The following OCA2 variants were observed in gnomAD, a reference collection of about 807,000 sequenced individuals.
OCA2 encodes OCA2 melanosomal transmembrane protein, also known as P protein.
OCA2 carries 77 observed loss-of-function variants against 100.2 expected under a neutral mutation model. The observed-to-expected ratio is 0.77, with a 90% CI of 0.64 to 0.93. The LOEUF (loss-of-function observed/expected upper bound fraction) is 0.93, where lower values mean the gene tolerates loss of function less well. OCA2 is among the 40% of genes least tolerant of loss of function. The pLI is 0.00. For synonymous variants in OCA2, 432 were observed against 439.2 expected (o/e 0.98, Z 0.21); for missense variants, 1,062 against 1,089.1 (o/e 0.98, Z 0.35).
intron 9 of OCA2, among the ~76,000 whole-genome samples, chr15:28,012,154 T>TA (rs1243622137): frequency 6.6e-6 from 1 of 152,132 alleles, no homozygotes; most frequent in African/African-American, 2.4e-5. Flanking sequence ...CTGAAGAAGA[T>TA]AGACAGGTGG....
At chr15:27,771,318 C>A (rs1477221492) in intron 23 of OCA2, among the ~76,000 whole-genome samples, 4 of 150,988 alleles carry the variant, frequency 2.6e-5, no homozygotes, top group Non-Finnish European at 5.9e-5. Context: ...GGCCCCAGCT[C>A]GGAGAAAGGG....
At chr15:27,989,151 G>A (rs763998120) in intron 11 of OCA2, among the ~76,000 whole-genome samples, 2 of 152,132 alleles carry the variant, frequency 1.3e-5, no homozygotes, top group Non-Finnish European at 2.9e-5. Context: ...AGATCCTGCA[G>A]GTGGACTTGG....
At chr15:27,988,421 T>C (rs2041433480) in intron 11 of OCA2, among the ~76,000 whole-genome samples, 1 of 151,934 alleles carries the variant, frequency 6.6e-6, no homozygotes, top group African/African-American at 2.4e-5. Flanking sequence ...TAAAATGAGG[T>C]TGTTAGGGTG....
chr15:27,764,710 A>G (rs2031116416), intron 23 of OCA2, among the ~76,000 whole-genome samples: 1 of 152,136 alleles, frequency 6.6e-6, no homozygotes, highest in Non-Finnish European at 1.5e-5. Flanking sequence ...TACTGAAAAC[A>G]CTTGCTGACC....
intron 9 of OCA2, among the ~76,000 whole-genome samples, chr15:27,997,150 G>GAA (rs36129898): frequency 3.0e-5 from 4 of 134,694 alleles, no homozygotes; most frequent in Non-Finnish European, 4.8e-5. Flanking sequence ...AAGAGAGAGA[G>GAA]AAAGAAAGAA....
chr15:28,029,596 A>C (rs2141362115), intron 3 of OCA2, among the ~76,000 whole-genome samples: 1 of 152,312 alleles, frequency 6.6e-6, no homozygotes, highest in Non-Finnish European at 1.5e-5. Context: ...TGAATTTTTA[A>C]TTTTAATTAA....
At chr15:27,769,471 C>T (rs2031543731) in intron 23 of OCA2, among the ~76,000 whole-genome samples, 1 of 152,142 alleles carries the variant, frequency 6.6e-6, no homozygotes, top group Non-Finnish European at 1.5e-5. Flanking sequence ...AAGTCTCCTA[C>T]TTGAGTCTCA....
chr15:27,979,680 TA>T (rs1376004746), intron 14 of OCA2, among the ~76,000 whole-genome samples: 1 of 151,592 alleles, frequency 6.6e-6, no homozygotes, highest in Non-Finnish European at 1.5e-5. Flanking sequence ...ACATATACTA[TA>T]AAAAATCTTA....
At chr15:27,916,984 C>G (rs927688689) in intron 19 of OCA2, among the ~76,000 whole-genome samples, 1 of 151,944 alleles carries the variant, frequency 6.6e-6, no homozygotes, top group Non-Finnish European at 1.5e-5. Context: ...AGATGCAAAA[C>G]GAGAGATGAA....
Position 27,770,574 on chromosome 15 carries a change from G to A in OCA2, c.2433-15102C>T, listed in dbSNP as rs544230497. On this transcript the variant is annotated intron_variant, in intron 23 of 23. Transcript: ENST00000354638. ...GCCGGGGAAGGTCCCCGATGGGCGCGCACGGTGCCCAGCGCAGCTGCCCTT... is the reference window on the plus strand; with the variant it reads ...GCCGGGGAAGGTCCCCGATGGGCGCACACGGTGCCCAGCGCAGCTGCCCTT... Among the ~76,000 whole-genome samples the A allele has an allele frequency of 4.0e-5, 6 of 151,438 alleles. No homozygotes were observed. In the East Asian group the frequency reaches 8.0e-4, roughly 20 times the overall value.
chr15:28,007,861 T>C (rs754572314), intron 9 of OCA2, among the ~76,000 whole-genome samples: 8 of 152,288 alleles, frequency 5.3e-5, no homozygotes, highest in Non-Finnish European at 1.0e-4. Context: ...TTTCATCCCA[T>C]CAAGCTATTA....
At chr15:27,858,247 A>C (rs1433435994) in intron 21 of OCA2, among the ~76,000 whole-genome samples, 1 of 152,040 alleles carries the variant, frequency 6.6e-6, no homozygotes, top group African/African-American at 2.4e-5. Context: ...GGTGGTGGGC[A>C]CCTGTAATCC....
chr15:27,872,877 A>G (rs563636777), intron 19 of OCA2, among the ~76,000 whole-genome samples: 1 of 152,088 alleles, frequency 6.6e-6, no homozygotes, highest in African/African-American at 2.4e-5. Context: ...TTTAGTAGAG[A>G]TGGGGCTTCG....
rs1482978573 is a variant in OCA2 at position 28,075,820 on chromosome 15, T to C, written c.227+5828A>G. Among the ~76,000 whole-genome samples, 3 of 152,314 alleles carry C rather than the reference T, an allele frequency of 2.0e-5. No individual in the cohort carries two copies. The East Asian group carries it at 5.8e-4, about 29-fold the overall frequency. The stretch of plus-strand genomic sequence containing the variant: ...ACTCAATGGTTCCATTTATTTGACA[T>C]GCTTGAAACAGGCCAAAATGTAAAA... On this transcript the variant is annotated intron_variant, in intron 2 of 23. Transcript: ENST00000354638.
chr15:27,940,310 C>A (rs1302480296), intron 18 of OCA2, among the ~76,000 whole-genome samples: 1 of 152,210 alleles, frequency 6.6e-6, no homozygotes, highest in African/African-American at 2.4e-5. Flanking sequence ...ACCTGTCACT[C>A]TTCTCCCTAC....
At chr15:28,011,151 A>C (rs1341675779) in intron 9 of OCA2, among the ~76,000 whole-genome samples, 2 of 152,202 alleles carry the variant, frequency 1.3e-5, no homozygotes, top group African/African-American at 4.8e-5. Flanking sequence ...CCTTCACTTA[A>C]AACTCTCACA....
rs2140979422 is a variant in OCA2, at chr15:27,985,110, A to G, written c.1318T>C (p.Leu440=). 1 of 1,614,060 alleles carries G rather than the reference A, an allele frequency of 6.2e-7. No individual in the cohort carries two copies. The highest frequency in any genetic ancestry group is 1.1e-5 in the South Asian group (1 of 91,086). The change falls in exon 13 of 24, where the codon TTG becomes CTG. Residue 440 remains leucine, a synonymous_variant. Coordinates refer to ENST00000354638, the MANE Select transcript of OCA2 (RefSeq NM_000275.3). ...CLIAAVLSAF[L]DNVTTMLLFT... ...AGGAGCATGGTGGTGACGTTGTCCA[A>G]GAAGGCAGAGAGGACGGCCGCGATG... is the stretch of plus-strand genomic sequence containing the variant.
chr15:27,731,849 CAG>C, the OCA2 span, among the ~76,000 whole-genome samples: 2 of 152,296 alleles, frequency 1.3e-5, no homozygotes, highest in South Asian at 2.1e-4. Flanking sequence ...TTTAACATAC[CAG>C]CATCCCCAGT....
chr15:28,065,933 T>C (rs1420793458), intron 2 of OCA2, among the ~76,000 whole-genome samples: 1 of 152,170 alleles, frequency 6.6e-6, no homozygotes, highest in African/African-American at 2.4e-5. Context: ...TACTAACATA[T>C]AAAGACAATT....
Sources: gnomAD v4.1 joint callset for allele counts (sites outside exome capture counted in the v4.1 genomes callset) on GRCh38, gnomAD v4.1.1 for gene constraint, MANE v1.5 for transcripts, NCBI Gene and HGNC (gene_info 2026-07-23, HGNC 2026-07-21) for gene names.